The following LRP8 variants were observed in gnomAD, a reference collection of about 807,000 sequenced individuals.
LRP8 encodes low-density lipoprotein receptor-related protein 8.
In LRP8, 46 loss-of-function variants were observed where a neutral mutation model predicts 111.6. That is an observed-to-expected ratio of 0.41 (90% CI 0.33 to 0.53). LRP8 has a LOEUF of 0.53. Among genes scored for constraint, LRP8 ranks in the 20% least tolerant of loss-of-function variants. The pLI is 0.20. For synonymous variants in LRP8, 464 were observed against 511.2 expected (o/e 0.91, Z 1.24); for missense variants, 959 against 1,297.4 (o/e 0.74, Z 4.01).
In LRP8 at chr1:53,250,254, G is replaced by C. The variant is rs1469006857; in HGVS notation, c.2676+436C>G. On this transcript the variant is annotated intron_variant, in intron 17 of 18. Transcript: ENST00000306052. This position sits in a 1 kb window ranked among gnomAD's most constrained non-coding sequence, Gnocchi z 4.6. ...ATACAGTATTGAAATGAATACATTT[G>C]AATTAAATGGCCACAGTTACCCTTC... Among the ~76,000 whole-genome samples, 1 of 152,178 alleles carries C rather than the reference G, an allele frequency of 6.6e-6. No individual in the cohort carries two copies. Among genetic ancestry groups the C allele is most frequent in the Non-Finnish European group, 1.5e-5 (1 of 68,026 alleles).
At chr1:53,280,084 G>T (rs562206456) in intron 4 of LRP8, among the ~76,000 whole-genome samples, 1 of 152,338 alleles carries the variant, frequency 6.6e-6, no homozygotes, top group South Asian at 2.1e-4. Context: ...TTGAATCTGA[G>T]ATTTCAGCAA....
At chr1:53,272,558 G>A in intron 6 of LRP8, 2 of 1,289,580 alleles carry the variant, frequency 1.6e-6, no homozygotes, top group African/African-American at 3.0e-5. Context: ...GCTATGGGGT[G>A]CCCCCACTTC....
At chr1:53,318,189 C>A (rs1478063647) in intron 2 of LRP8, among the ~76,000 whole-genome samples, 2 of 152,044 alleles carry the variant, frequency 1.3e-5, no homozygotes, top group South Asian at 4.1e-4. Context: ...GGAGGAGATG[C>A]CTTCTACCAA....
intron 2 of LRP8, among the ~76,000 whole-genome samples, chr1:53,291,198 C>T (rs1288503): frequency 0.7 from 106,590 of 152,016 alleles, 38,323 homozygotes; most frequent in East Asian, 0.92. Flanking sequence ...TAGTTCGAGA[C>T]CAGGAGGCCC....
chr1:53,280,767 G>A (rs746794975), intron 3 of LRP8, 52 bp from the exon 4 acceptor site: 2 of 1,598,826 alleles, frequency 1.3e-6, no homozygotes, highest in Non-Finnish European at 1.7e-6. Flanking sequence ...CACAGGGCAT[G>A]GTGCCAACCA....
intron 10 of LRP8, among the ~76,000 whole-genome samples, chr1:53,263,490 G>C (rs768165244): frequency 1.4e-4 from 21 of 152,204 alleles, no homozygotes; most frequent in Non-Finnish European, 2.6e-4. Flanking sequence ...TATCCACACT[G>C]AGGGAGAGAG....
In LRP8 at chr1:53,250,130, T is replaced by C. The variant is rs566412065; in HGVS notation, c.2676+560A>G. 6.6e-6 allele frequency among the ~76,000 whole-genome samples: 1 copy of C among 152,336 alleles called. No individual in the cohort carries two copies. Among genetic ancestry groups the C allele is most frequent in the African/African-American group, 2.4e-5 (1 of 41,578 alleles). ...AGCACACAATTATACCACTGTATGT[T>C]AGTATCTCTAACTCCCTACCAGCTT... On this transcript the variant is annotated intron_variant, in intron 17 of 18. Transcript: ENST00000306052. This position sits in a 1 kb window ranked among gnomAD's most constrained non-coding sequence, Gnocchi z 4.6.
At chr1:53,326,733 C>A in intron 2 of LRP8, 140 bp downstream of exon 2, 1 of 1,371,524 alleles carries the variant, frequency 7.3e-7, no homozygotes, top group Non-Finnish European at 9.7e-7. Flanking sequence ...GGTGCCCAGG[C>A]GGTTTCCCGG....
chr1:53,321,739 C>T (rs937294566), intron 2 of LRP8, among the ~76,000 whole-genome samples: 1 of 152,124 alleles, frequency 6.6e-6, no homozygotes, highest in Non-Finnish European at 1.5e-5. Flanking sequence ...GCAAACACTC[C>T]CAAGGCCTGC....
In LRP8 at chr1:53,262,206, A is replaced by G. The variant is rs766804972; in HGVS notation, c.1776T>C (p.Asp592=). 7.4e-6 allele frequency: 12 copies of G among 1,613,166 alleles called. No homozygotes were observed. In the South Asian group the frequency reaches 1.3e-4, roughly 18 times the overall value. ...NIEWPNGITL[D]LLSQRLYWVD... is the part of the protein sequence containing the mutation. ...CCCAGTACAAGCGCTGGCTCAGCAG[A>G]TCTTGGGAAGGAAGCAGGATCAGGT... Residue 592 remains aspartate, a splice_region_variant and synonymous_variant, in exon 12 of 19, where the codon GAT becomes GAC. Transcript: ENST00000306052. This position sits in a 1 kb window ranked among gnomAD's most constrained non-coding sequence, Gnocchi z 4.8.
At chr1:53,285,165 G>T (rs1458524342) in intron 3 of LRP8, among the ~76,000 whole-genome samples, 1 of 152,234 alleles carries the variant, frequency 6.6e-6, no homozygotes, top group East Asian at 1.9e-4. Flanking sequence ...TAAGTTGTTT[G>T]TTCAAAGGCT....
In LRP8 at chr1:53,250,017, A is replaced by T. The variant is rs1645845119; in HGVS notation, c.2677-461T>A. 6.6e-6 allele frequency among the ~76,000 whole-genome samples: 1 copy of T among 152,240 alleles called. No homozygotes were observed. Among genetic ancestry groups the T allele is most frequent in the East Asian group, 1.9e-4 (1 of 5,196 alleles). On this transcript the variant is annotated intron_variant, in intron 17 of 18. Coordinates refer to ENST00000306052, the MANE Select transcript of LRP8 (RefSeq NM_004631.5). This position sits in a 1 kb window ranked among gnomAD's most constrained non-coding sequence, Gnocchi z 4.6. ...TACAGTGTGACAGGGGCTGTGAGGTAGAGAGGCCCAGAGTACTGTGGGAGA... is the reference window on the plus strand; with the variant it reads ...TACAGTGTGACAGGGGCTGTGAGGTTGAGAGGCCCAGAGTACTGTGGGAGA...
In LRP8 at chr1:53,262,520, T is replaced by A. The variant is rs766888663; in HGVS notation, c.1700A>T (p.Lys567Ile). The A allele has an allele frequency of 6.2e-7, 1 of 1,614,204 alleles. No homozygotes were observed. Among genetic ancestry groups the A allele is most frequent in the Admixed American group, 1.7e-5 (1 of 60,030 alleles). The change falls in exon 11 of 19, where the codon AAA becomes ATA. Residue 567 changes from lysine (K) to isoleucine (I), a missense_variant. Coordinates refer to ENST00000306052, the MANE Select transcript of LRP8 (RefSeq NM_004631.5). The surrounding 1 kb of genome is among the most constrained non-coding windows in gnomAD (Gnocchi z 4.8). ...CCGGTCCACACCGTTGAGCCCAGAT[T>A]TCTCAATCTTGGCCTGGTCCCCCCA... ...SDWGDQAKIEKSGLNGVDRQT... is the reference protein window; with the variant it reads ...SDWGDQAKIEISGLNGVDRQT...
Position 53,250,844 on chromosome 1 carries a change from C to T in LRP8, c.2522G>A (p.Cys841Tyr). ...IVPIVVIALL[C>Y]MSGYLIWRNW... Reference sequence around the variant, plus strand: ...TCTCCAGATCAGGTATCCACTCATGCACAGGAGGGCTATCACCACTGGAGG... The same window carrying T: ...TCTCCAGATCAGGTATCCACTCATGTACAGGAGGGCTATCACCACTGGAGG... Residue 841 changes from cysteine (C) to tyrosine (Y), a missense_variant, in exon 17 of 19, where the codon TGC becomes TAC. By Grantham distance (194) the Cys-to-Tyr change is radical. Transcript: ENST00000306052. This position sits in a 1 kb window ranked among gnomAD's most constrained non-coding sequence, Gnocchi z 4.6. 2 of 1,614,120 alleles carry T rather than the reference C, an allele frequency of 1.2e-6. No individual in the cohort carries two copies. Among genetic ancestry groups the T allele is most frequent in the Non-Finnish European group, 1.7e-6 (2 of 1,180,020 alleles).
At chr1:53,315,936 CA>C (rs936114629) in intron 2 of LRP8, among the ~76,000 whole-genome samples, 2 of 152,078 alleles carry the variant, frequency 1.3e-5, no homozygotes, top group African/African-American at 4.8e-5. Flanking sequence ...TGGGAGAGAC[CA>C]AGGGCCAGAG....
Position 53,250,757 on chromosome 1 carries a change from G to A in LRP8, c.2609C>T (p.Thr870Ile). The stretch of plus-strand genomic sequence containing the variant: ...GAGCTCATCTTCGTCTTCTTCTTCT[G>A]TTGTTTTCCTGTAGACTGGGTTGTC... ...NFDNPVYRKT[T>I]EEEDEDELHI... Residue 870 changes from threonine (T) to isoleucine (I), a missense_variant, in exon 17 of 19, where the codon ACA becomes ATA. This residue lies in a region of LRP8 where 819 missense variants were observed against 1,097.6 expected (regional missense o/e 0.75). Coordinates refer to ENST00000306052, the MANE Select transcript of LRP8 (RefSeq NM_004631.5). This position sits in a 1 kb window ranked among gnomAD's most constrained non-coding sequence, Gnocchi z 4.6. The A allele has an allele frequency of 6.2e-7, 1 of 1,614,104 alleles. No homozygotes were observed. Among genetic ancestry groups the A allele is most frequent in the Non-Finnish European group, 8.5e-7 (1 of 1,179,952 alleles).
rs1395926815 is a variant in LRP8 at position 53,277,008 on chromosome 1, G to A, written c.567C>T (p.Asp189=). 6.6e-7 allele frequency: 1 copy of A among 1,518,000 alleles called. No individual in the cohort carries two copies. The highest frequency in any genetic ancestry group is 8.8e-7 in the Non-Finnish European group (1 of 1,136,932). The allele number at this position is 1,518,000 out of a possible 1,614,324, so 94.0% of individuals were successfully genotyped here. A position where few individuals can be genotyped will look rare whatever the true frequency, so the allele number is the denominator to read the frequency against. Residue 189 remains aspartate, a synonymous_variant, in exon 5 of 19, where the codon GAC becomes GAT. Coordinates refer to ENST00000306052, the MANE Select transcript of LRP8 (RefSeq NM_004631.5). The part of the protein sequence containing the change: ...CLAAVFVCDG[D]DDCGDGSDER... The stretch of plus-strand genomic sequence containing the variant: ...CATCGCTGCCGTCACCACAGTCGTC[G>A]TCGCCGTCGCACACGAACACGGCGG...
intron 8 of LRP8, chr1:53,268,492 A>C (rs1347368458): frequency 6.6e-6 from 1 of 152,238 alleles, no homozygotes; most frequent in African/African-American, 2.4e-5. Context: ...TGTATGAGTT[A>C]CATATTGTAC....
chr1:53,273,067 A>G (rs919548969), intron 6 of LRP8, among the ~76,000 whole-genome samples: 14 of 152,336 alleles, frequency 9.2e-5, no homozygotes, highest in Middle Eastern at 3.4e-3. Context: ...TGAGGGGAAG[A>G]GAAAGGAGAG....
Sources: gnomAD v4.1 joint callset for allele counts (sites outside exome capture counted in the v4.1 genomes callset) on GRCh38, gnomAD v4.1.1 for gene constraint, gnomAD v4.1.1 regional missense constraint, Gnocchi (gnomAD v3.1) non-coding constraint, MANE v1.5 for transcripts, NCBI Gene and HGNC (gene_info 2026-07-23, HGNC 2026-07-21) for gene names.